NLK: variants seen among roughly 807,000 people sequenced by gnomAD.
The protein encoded by NLK is serine/threonine-protein kinase NLK.
A neutral mutation model predicts 59.0 loss-of-function variants in NLK; 11 were observed. That is an observed-to-expected ratio of 0.19 (90% confidence interval 0.12 to 0.31). The LOEUF (loss-of-function observed/expected upper bound fraction) is 0.31. Among genes scored for constraint, NLK ranks in the 10% least tolerant of loss-of-function variants. NLK has a pLI of 1.00. For missense variants in NLK, 410 were observed against 661.1 expected, an observed-to-expected ratio of 0.62 and a Z score of 4.16; for synonymous variants, 235 against 235.9, an observed-to-expected ratio of 1.00 and a Z score of 0.03.
At chr17:28,097,608 A>C (rs995203971) in intron 1 of NLK, among the ~76,000 whole-genome samples, 2 of 152,144 alleles carry the variant, frequency 1.3e-5, no homozygotes, top group South Asian at 2.1e-4. Context: ...AGGCACAATA[A>C]ATTATTTACC....
chr17:28,156,302 A>G (rs987203736), intron 3 of NLK, among the ~76,000 whole-genome samples: 3 of 152,284 alleles, frequency 2.0e-5, no homozygotes, highest in Non-Finnish European at 4.4e-5. Context: ...TTTAAAGTAG[A>G]TAACCAAACA....
At chr17:28,199,144 C>T (rs746509836), downstream of NLK, among the ~76,000 whole-genome samples, 29 of 152,022 alleles carry the variant, frequency 1.9e-4, no homozygotes, top group Non-Finnish European at 3.7e-4. Context: ...TCTACAGCTA[C>T]GAAGTTTTGG....
intron 3 of NLK, among the ~76,000 whole-genome samples, chr17:28,145,291 T>G (rs995231232): frequency 2.6e-5 from 4 of 152,310 alleles, no homozygotes; most frequent in Admixed American, 2.6e-4. Flanking sequence ...AATCCTTTTC[T>G]GTAATTAGGG....
chr17:28,107,434 CAA>C (rs202119739), intron 1 of NLK, among the ~76,000 whole-genome samples: 3 of 132,054 alleles, frequency 2.3e-5, no homozygotes. Flanking sequence ...AACTCTGTCT[CAA>C]AAAAAAAAAA....
rs528415668 is a variant in NLK, at chr17:28,106,327, G to A, written c.459-16276G>A. On this transcript the variant is annotated intron_variant, in intron 1 of 10. Transcript: ENST00000407008. ...TACCATTTTATAATAATTTCAATTC[G>A]TATATAATGAAAATACATAAAATAG... Among the ~76,000 whole-genome samples, 156 of 151,956 alleles carry A rather than the reference G, an allele frequency of 1.0e-3. 2 individuals are homozygous for A. Among genetic ancestry groups the A allele is most frequent in the Admixed American group, 9.6e-3 (147 of 15,262 alleles).
intron 7 of NLK, among the ~76,000 whole-genome samples, chr17:28,176,153 CA>C (rs1470080935): frequency 2.0e-5 from 3 of 152,182 alleles, no homozygotes; most frequent in Non-Finnish European, 2.9e-5. Flanking sequence ...TAGTAATCCT[CA>C]GTGATGCTGC....
At chr17:28,167,232 T>G (rs962944423) in intron 5 of NLK, among the ~76,000 whole-genome samples, 9 of 151,660 alleles carry the variant, frequency 5.9e-5, no homozygotes, top group Non-Finnish European at 7.4e-5. Context: ...TTTGTGGGGG[T>G]TTTTAAATTT....
At chr17:28,145,274 G>A (rs567388816) in intron 3 of NLK, among the ~76,000 whole-genome samples, 1 of 152,182 alleles carries the variant, frequency 6.6e-6, no homozygotes, top group South Asian at 2.1e-4. Flanking sequence ...ATCAGTTATA[G>A]AATATTAATC....
At chr17:28,201,056 T>A (rs556275465), downstream of NLK, among the ~76,000 whole-genome samples, 2 of 152,338 alleles carry the variant, frequency 1.3e-5, no homozygotes, top group East Asian at 3.9e-4. Flanking sequence ...GACCTAGCTG[T>A]CTGTAATTCT....
intron 1 of NLK, among the ~76,000 whole-genome samples, chr17:28,088,504 C>G (rs966135220): frequency 1.3e-5 from 2 of 152,004 alleles, no homozygotes. Flanking sequence ...TATTCATTTT[C>G]AAAATAATGA....
chr17:28,111,896 G>GGTGTGT (rs747211468), intron 1 of NLK, among the ~76,000 whole-genome samples: 1,962 of 67,458 alleles, frequency 0.029, 90 homozygotes, highest in East Asian at 0.049. Context: ...GTGTGTGTGT[G>GGTGTGT]GTGTGTGTGT....
intron 3 of NLK, among the ~76,000 whole-genome samples, chr17:28,136,232 A>G (rs1906740178): frequency 6.6e-6 from 1 of 152,230 alleles, no homozygotes; most frequent in African/African-American, 2.4e-5. Context: ...TTACTCTCAC[A>G]GTAATTAGCT....
intron 1 of NLK, among the ~76,000 whole-genome samples, chr17:28,075,076 TAC>T (rs1408221660): frequency 6.6e-6 from 1 of 152,274 alleles, no homozygotes; most frequent in Non-Finnish European, 1.5e-5. Context: ...AGTGGCATTT[TAC>T]AGTTAATGAA....
intron 1 of NLK, among the ~76,000 whole-genome samples, chr17:28,046,738 G>A (rs112939949): frequency 6.6e-6 from 1 of 152,130 alleles, no homozygotes; most frequent in Non-Finnish European, 1.5e-5. Context: ...GCATGAGAGT[G>A]GTTTGAGGAT....
the NLK span, among the ~76,000 whole-genome samples, chr17:28,205,270 C>G: frequency 6.6e-6 from 1 of 152,130 alleles, no homozygotes; most frequent in Non-Finnish European, 1.5e-5. Context: ...CTTGAGAAAC[C>G]TTGATTTATT....
chr17:28,154,346 C>T (rs1907611730), intron 3 of NLK, among the ~76,000 whole-genome samples: 1 of 152,194 alleles, frequency 6.6e-6, no homozygotes, highest in African/African-American at 2.4e-5. Flanking sequence ...ATTCCCTGGA[C>T]ACCCACTAAC....
chr17:28,128,051 C>T (rs1402940967), intron 2 of NLK, among the ~76,000 whole-genome samples: 4 of 151,846 alleles, frequency 2.6e-5, no homozygotes, highest in Admixed American at 6.6e-5. Context: ...GTTCTGAGTC[C>T]GTGAGATATC....
chr17:28,140,803 C>A (rs1445533718), intron 3 of NLK, among the ~76,000 whole-genome samples: 3 of 151,574 alleles, frequency 2.0e-5, no homozygotes, highest in African/African-American at 7.3e-5. Context: ...ACCCCACCCC[C>A]CAAAAAAGAG....
intron 3 of NLK, among the ~76,000 whole-genome samples, chr17:28,134,487 T>G (rs1004250251): frequency 3.9e-5 from 6 of 152,186 alleles, no homozygotes; most frequent in Non-Finnish European, 8.8e-5. Flanking sequence ...TATAAGTAAT[T>G]TAGAAATGAT....
Sources: gnomAD v4.1 joint callset for allele counts (sites outside exome capture counted in the v4.1 genomes callset) on GRCh38, gnomAD v4.1.1 for gene constraint, MANE v1.5 for transcripts, NCBI Gene and HGNC (gene_info 2026-07-23, HGNC 2026-07-21) for gene names.